Variants in BICD2 observed in about 807,000 individuals in gnomAD.
BICD2 encodes the protein protein bicaudal D homolog 2.
In BICD2, 25 loss-of-function variants were observed where a neutral mutation model predicts 72.9. The ratio of observed to expected loss-of-function variants is 0.34; its 90% confidence interval spans 0.25 to 0.48. BICD2 has a LOEUF of 0.48. Ranked by LOEUF, BICD2 falls within the 20% of genes least tolerant of loss-of-function variation. BICD2 has a pLI of 0.99. For synonymous variants in BICD2, 501 were observed against 516.1 expected (o/e 0.97, Z 0.40); for missense variants, 894 against 1,175.2 (o/e 0.76, Z 3.50).
At chr9:92,716,217 G>A (rs1308746943) in intron 6 of BICD2, among the ~76,000 whole-genome samples, 1 of 152,144 alleles carries the variant, frequency 6.6e-6, no homozygotes, top group Non-Finnish European at 1.5e-5. Context: ...CCAGGAGCCG[G>A]CCCTTGGATA....
chr9:92,736,195 G>A (rs1853784320), intron 1 of BICD2, among the ~76,000 whole-genome samples: 2 of 152,204 alleles, frequency 1.3e-5, no homozygotes, highest in South Asian at 4.1e-4. Flanking sequence ...AACACTAACT[G>A]CTGATAAAAC....
rs1215325165 is a variant in BICD2 at position 92,764,817 on chromosome 9, G to C, written c.-73C>G. 2.6e-6 allele frequency: 3 copies of C among 1,132,934 alleles called. No homozygotes were observed. The African/African-American group carries it at 5.0e-5, about 19-fold the overall frequency. 70.2% of individuals were successfully genotyped at this position (1,132,934 alleles called of 1,614,324 possible). A position where few individuals can be genotyped will look rare whatever the true frequency, so the allele number is the denominator to read the frequency against. On this transcript the variant is annotated 5_prime_UTR_variant, in exon 1 of 7. Transcript: ENST00000356884. This position sits in a 1 kb window ranked among gnomAD's most constrained non-coding sequence, Gnocchi z 5.5. ...GCCCTCCTCAGCCGCCGCCGCTGCC[G>C]CCGCCGCCGCCGCCCTGCCCCGACG...
At chr9:92,748,135 GC>G (rs1854054144) in intron 1 of BICD2, among the ~76,000 whole-genome samples, 1 of 152,108 alleles carries the variant, frequency 6.6e-6, no homozygotes. Flanking sequence ...TCTCTCTCCA[GC>G]CAGTGGAGGG....
intron 1 of BICD2, among the ~76,000 whole-genome samples, chr9:92,754,798 TCTTTA>T (rs1045465397): frequency 1.3e-5 from 2 of 152,242 alleles, no homozygotes; most frequent in Non-Finnish European, 2.9e-5. Context: ...CCTATGCCTG[TCTTTA>T]CTTTAATCTC....
intron 1 of BICD2, among the ~76,000 whole-genome samples, chr9:92,753,829 G>T (rs976707033): frequency 2.6e-5 from 4 of 151,736 alleles, no homozygotes; most frequent in Non-Finnish European, 5.9e-5. Flanking sequence ...GTGAGCCACC[G>T]TGCCCGGCCG....
At position 92,746,510 on chromosome 9, in the gene BICD2, C is replaced by T. The variant is rs1402962406; in HGVS notation, c.241-17274G>A. Among the ~76,000 whole-genome samples the T allele has an allele frequency of 6.9e-5, 10 of 144,354 alleles. No homozygotes were observed. In the East Asian group the frequency reaches 8.2e-4, roughly 12 times the overall value. The allele number at this position is 144,354 out of a possible 152,430, so 94.7% of individuals were successfully genotyped here. On this transcript the variant is annotated intron_variant, in intron 1 of 6. Transcript: ENST00000356884. The stretch of plus-strand genomic sequence containing the variant: ...TCACACCACTGCACTCCAGCCTGGG[C>T]GACAGAGTGAGACTCCGTCTCCAAA...
At chr9:92,729,819 C>T (rs1458363328) in intron 1 of BICD2, among the ~76,000 whole-genome samples, 3 of 152,248 alleles carry the variant, frequency 2.0e-5, no homozygotes, top group Admixed American at 1.3e-4. Flanking sequence ...AGCCAAGATA[C>T]CAGCATGTTC....
intron 1 of BICD2, among the ~76,000 whole-genome samples, chr9:92,741,071 G>T (rs1340284875): frequency 6.6e-6 from 1 of 152,214 alleles, no homozygotes; most frequent in East Asian, 1.9e-4. Context: ...AGTTCCTGAT[G>T]TATCTGTTGA....
intron 6 of BICD2, among the ~76,000 whole-genome samples, chr9:92,716,623 TGGCTGTCCCCCATGCAG>T (rs1472648733): frequency 6.6e-6 from 1 of 152,268 alleles, no homozygotes; most frequent in East Asian, 1.9e-4. Context: ...ATGGTGGGCC[TGGCTGTCCCCCATGCAG>T]GGCTGACCCC....
chr9:92,760,134 G>T lies in BICD2; in HGVS notation c.240+4371C>A, dbSNP rs554119993. Among the ~76,000 whole-genome samples, 3 of 152,306 alleles carry T rather than the reference G, an allele frequency of 2.0e-5. No individual in the cohort carries two copies. The East Asian group carries it at 5.8e-4, about 29-fold the overall frequency. On this transcript the variant is annotated intron_variant, in intron 1 of 6. Transcript: ENST00000356884. ...AGGCAGGGCCCAGACTCCCCCTGTG[G>T]AGTCAGTATGGAGTTCACAGGGACA...
intron 1 of BICD2, among the ~76,000 whole-genome samples, chr9:92,746,891 C>T (rs1258276242): frequency 6.6e-6 from 1 of 152,190 alleles, no homozygotes. Flanking sequence ...TGTGGTCTTA[C>T]AGGCAAATCA....
At chr9:92,727,481 G>C (rs1273777653) in intron 2 of BICD2, among the ~76,000 whole-genome samples, 2 of 152,202 alleles carry the variant, frequency 1.3e-5, no homozygotes, top group Non-Finnish European at 2.9e-5. Context: ...CAGGCCCCAA[G>C]GCTCAGTGAA....
At chr9:92,736,023 C>G (rs1451337791) in intron 1 of BICD2, among the ~76,000 whole-genome samples, 1 of 152,192 alleles carries the variant, frequency 6.6e-6, no homozygotes. Context: ...GGCGTTTGAA[C>G]CAGAACAACT....
At chr9:92,739,529 T>C (rs1316601141) in intron 1 of BICD2, among the ~76,000 whole-genome samples, 3 of 152,226 alleles carry the variant, frequency 2.0e-5, no homozygotes, top group African/African-American at 7.2e-5. Flanking sequence ...GCAGTATTCC[T>C]ATCAGAAGTT....
chr9:92,755,082 G>A (rs1025544645), intron 1 of BICD2, among the ~76,000 whole-genome samples: 4 of 152,318 alleles, frequency 2.6e-5, no homozygotes, highest in South Asian at 4.1e-4. Flanking sequence ...AGCATGGAAC[G>A]TCCCTGAGAA....
chr9:92,744,384 G>A (rs1038943703), intron 1 of BICD2, among the ~76,000 whole-genome samples: 14 of 152,200 alleles, frequency 9.2e-5, no homozygotes, highest in African/African-American at 3.4e-4. Context: ...GGCTCAGAGA[G>A]CAGCTCTGGG....
At position 92,714,833 on chromosome 9, in the gene BICD2, G is replaced by T; in HGVS notation, c.*321C>A. The T allele has an allele frequency of 9.1e-7, 1 of 1,096,214 alleles. No homozygotes were observed. Among genetic ancestry groups the T allele is most frequent in the South Asian group, 3.7e-5 (1 of 27,180 alleles). 67.9% of individuals were successfully genotyped at this position (1,096,214 alleles called of 1,614,324 possible). A position where few individuals can be genotyped will look rare whatever the true frequency, so the allele number is the denominator to read the frequency against. On this transcript the variant is annotated 3_prime_UTR_variant, in exon 7 of 7. Transcript: ENST00000356884. ...AGCAGGACCAGGACTCCTCCCTTGG[G>T]TTTCCCCACGGGTGCGCAGGGCTTA...
At chr9:92,749,778 G>A (rs1229636607) in intron 1 of BICD2, among the ~76,000 whole-genome samples, 1 of 152,224 alleles carries the variant, frequency 6.6e-6, no homozygotes, top group Non-Finnish European at 1.5e-5. Context: ...AGCCAGTCCT[G>A]GGGCCTGGGG....
At position 92,719,157 on chromosome 9, in the gene BICD2, G is replaced by C; in HGVS notation, c.1488C>G (p.Arg496=). 2 of 1,611,302 alleles carry C rather than the reference G, an allele frequency of 1.2e-6. No individual in the cohort carries two copies. The highest frequency in any genetic ancestry group is 1.7e-6 in the Non-Finnish European group (2 of 1,179,988). Residue 496 remains arginine, a synonymous_variant, in exon 5 of 7, where the codon CGC becomes CGG. Transcript: ENST00000356884. ...SLLEKASRQD[R]ELLARLEKEL... ...CCTTCTCCAGCCGGGCCAGCAGCTC[G>C]CGGTCCTGGCGGCTGGCCTTCTCTA...
Sources: gnomAD v4.1 joint callset for allele counts (sites outside exome capture counted in the v4.1 genomes callset) on GRCh38, gnomAD v4.1.1 for gene constraint, Gnocchi (gnomAD v3.1) non-coding constraint, MANE v1.5 for transcripts, NCBI Gene and HGNC (gene_info 2026-07-23, HGNC 2026-07-21) for gene names.